Variants in PPP3CA observed in about 807,000 individuals in gnomAD.
PPP3CA encodes CAM-PRP catalytic subunit.
A neutral mutation model predicts 66.5 loss-of-function variants in PPP3CA; 14 were observed. That is an observed-to-expected ratio of 0.21 (90% CI 0.14 to 0.33). The LOEUF (loss-of-function observed/expected upper bound fraction) is 0.33. PPP3CA is among the 10% of genes least tolerant of loss of function. The pLI is 1.00. For synonymous variants in PPP3CA, 232 were observed against 226.2 expected, an observed-to-expected ratio of 1.03 and a Z score of -0.23; for missense variants, 317 against 639.5, an observed-to-expected ratio of 0.50 and a Z score of 5.44.
intron 2 of PPP3CA, among the ~76,000 whole-genome samples, chr4:101,140,735 T>C (rs1053734752): frequency 7.2e-5 from 11 of 152,180 alleles, no homozygotes; most frequent in Admixed American, 2.0e-4. Context: ...ATATTAGAAT[T>C]ATCATGCAGA....
intron 1 of PPP3CA, among the ~76,000 whole-genome samples, chr4:101,309,653 T>G (rs1728658912): frequency 6.6e-6 from 1 of 152,202 alleles, no homozygotes; most frequent in African/African-American, 2.4e-5. Flanking sequence ...ATCTGCCATG[T>G]AGGGCCCTGT....
chr4:101,324,218 A>AAGGC (rs1729140944), intron 1 of PPP3CA, among the ~76,000 whole-genome samples: 2 of 137,180 alleles, frequency 1.5e-5, no homozygotes, highest in African/African-American at 2.7e-5. Flanking sequence ...GGAAGGAAGG[A>AAGGC]AGGAAAGGAG....
chr4:101,177,489 C>T (rs1476741832), intron 2 of PPP3CA, among the ~76,000 whole-genome samples: 1 of 152,082 alleles, frequency 6.6e-6, no homozygotes, highest in Non-Finnish European at 1.5e-5. Flanking sequence ...CTATTATTTT[C>T]ACCCTCCTTT....
intron 1 of PPP3CA, among the ~76,000 whole-genome samples, chr4:101,310,292 A>T (rs1341092286): frequency 6.6e-6 from 1 of 152,238 alleles, no homozygotes; most frequent in African/African-American, 2.4e-5. Context: ...ATATTGATCA[A>T]CTTGACTCAC....
At chr4:101,307,186 A>G (rs995819025) in intron 1 of PPP3CA, among the ~76,000 whole-genome samples, 7 of 151,742 alleles carry the variant, frequency 4.6e-5, no homozygotes, top group Middle Eastern at 3.4e-3. Flanking sequence ...AAAAAAAAAA[A>G]CAGATTCTGT....
chr4:101,322,061 T>C (rs1729056952), intron 1 of PPP3CA, among the ~76,000 whole-genome samples: 1 of 152,190 alleles, frequency 6.6e-6, no homozygotes, highest in Non-Finnish European at 1.5e-5. Flanking sequence ...TTTGAACATA[T>C]TTAGGCTTTC....
intron 1 of PPP3CA, among the ~76,000 whole-genome samples, chr4:101,294,109 T>C (rs1728117840): frequency 2.0e-5 from 3 of 152,218 alleles, no homozygotes; most frequent in Admixed American, 2.0e-4. Flanking sequence ...CAAGCCTTCA[T>C]GTAATACAGA....
chr4:101,149,617 G>C (rs1723075033), intron 2 of PPP3CA, among the ~76,000 whole-genome samples: 2 of 152,042 alleles, frequency 1.3e-5, no homozygotes, highest in African/African-American at 4.8e-5. Flanking sequence ...TCAACTTAAT[G>C]ATTTTCTCTA....
intron 1 of PPP3CA, among the ~76,000 whole-genome samples, chr4:101,267,386 C>T (rs181531170): frequency 3.0e-4 from 46 of 152,184 alleles, no homozygotes; most frequent in Middle Eastern, 3.4e-3. Flanking sequence ...GCCTATGATA[C>T]GCTAGGAATT....
chr4:101,219,642 A>AT (rs3840153), intron 1 of PPP3CA, among the ~76,000 whole-genome samples: 25,989 of 151,340 alleles, frequency 0.17, 3,284 homozygotes, highest in East Asian at 0.33. Context: ...TAGAAGCTCT[A>AT]TTTTTTTTAA....
intron 1 of PPP3CA, among the ~76,000 whole-genome samples, chr4:101,248,528 A>G (rs1311781191): frequency 6.6e-6 from 1 of 152,218 alleles, no homozygotes; most frequent in African/African-American, 2.4e-5. Context: ...AGTAAACATC[A>G]TATCAAATTC....
intron 10 of PPP3CA, among the ~76,000 whole-genome samples, chr4:101,050,010 G>A (rs1201856373): frequency 6.6e-6 from 1 of 152,064 alleles, no homozygotes; most frequent in Non-Finnish European, 1.5e-5. Flanking sequence ...GGGAGATGTA[G>A]TAAAGTTTTG....
chr4:101,052,840 T>G (rs1728069452), intron 10 of PPP3CA, among the ~76,000 whole-genome samples: 1 of 152,030 alleles, frequency 6.6e-6, no homozygotes, highest in Non-Finnish European at 1.5e-5. Flanking sequence ...CATAAAAGTT[T>G]ATTTTTTGGC....
chr4:101,054,627 G>A (rs1728150901), intron 10 of PPP3CA, among the ~76,000 whole-genome samples: 1 of 152,088 alleles, frequency 6.6e-6, no homozygotes, highest in Non-Finnish European at 1.5e-5. Context: ...TGCACTTTAA[G>A]TTCTGTACAA....
At chr4:101,306,194 T>G (rs1018715569) in intron 1 of PPP3CA, among the ~76,000 whole-genome samples, 7 of 152,198 alleles carry the variant, frequency 4.6e-5, no homozygotes, top group Non-Finnish European at 1.0e-4. Context: ...CTAAGTTAGT[T>G]GGCTGTCATT....
intron 1 of PPP3CA, among the ~76,000 whole-genome samples, chr4:101,197,244 C>G (rs1453248222): frequency 6.6e-6 from 1 of 152,176 alleles, no homozygotes; most frequent in South Asian, 2.1e-4. Flanking sequence ...CTCAAAGAAG[C>G]AAGACTTACA....
chr4:101,297,517 T>C (rs917453279), intron 1 of PPP3CA, among the ~76,000 whole-genome samples: 9 of 152,268 alleles, frequency 5.9e-5, no homozygotes, highest in African/African-American at 2.2e-4. Flanking sequence ...AGGAAACATA[T>C]AGTTTGACCA....
intron 2 of PPP3CA, among the ~76,000 whole-genome samples, chr4:101,157,109 G>A (rs1443623334): frequency 6.6e-6 from 1 of 152,156 alleles, no homozygotes; most frequent in Non-Finnish European, 1.5e-5. Flanking sequence ...CAATTCACTA[G>A]CCAGCACTAT....
chr4:101,143,427 G>A (rs1285466226), intron 2 of PPP3CA, among the ~76,000 whole-genome samples: 1 of 151,972 alleles, frequency 6.6e-6, no homozygotes, highest in Non-Finnish European at 1.5e-5. Flanking sequence ...CTGTCATATA[G>A]CTCCTCAGTC....
Sources: gnomAD v4.1 joint callset for allele counts (sites outside exome capture counted in the v4.1 genomes callset) on GRCh38, gnomAD v4.1.1 for gene constraint, MANE v1.5 for transcripts, NCBI Gene and HGNC (gene_info 2026-07-23, HGNC 2026-07-21) for gene names.